The following GAA variants were observed in gnomAD, a reference collection of about 807,000 sequenced individuals.
The protein encoded by GAA is alpha glucosidase.
A neutral mutation model predicts 103.9 loss-of-function variants in GAA; 88 were observed. The ratio of observed to expected loss-of-function variants is 0.85; its 90% CI spans 0.71 to 1.01. The LOEUF is 1.01. Among genes scored for constraint, GAA ranks in the 50% least tolerant of loss-of-function variants. The pLI is 0.00. For synonymous variants in GAA, 572 were observed against 563.1 expected (o/e 1.02, Z -0.22); for missense variants, 1,350 against 1,305.3 (o/e 1.03, Z -0.53).
chr17:80,106,257 T>A (rs1335445673), intron 3 of GAA, among the ~76,000 whole-genome samples: 1 of 152,156 alleles, frequency 6.6e-6, no homozygotes, highest in Admixed American at 6.5e-5. Context: ...GCACTGACCC[T>A]CCGTGCCGGG....
chr17:80,112,839 C>G (rs1291254931), intron 13 of GAA, 37 bp from the exon 14 acceptor site: 2 of 1,596,218 alleles, frequency 1.3e-6, no homozygotes, highest in Non-Finnish European at 1.7e-6. Context: ...GGCTCTGCTG[C>G]AGCAGCCTGA....
rs746986703 is a variant in GAA at position 80,107,736 on chromosome 17, C to T, written c.858+14C>T. The stretch of plus-strand genomic sequence containing the variant: ...CTTGCGCCCACGGTACAGCGGCGGG[C>T]GGCGGGCGGGGGCACTGAGCTGGGG... On this transcript the variant is annotated intron_variant, in intron 4 of 19. Transcript: ENST00000302262. 23 of 1,610,556 alleles carry T rather than the reference C, an allele frequency of 1.4e-5. No individual in the cohort carries two copies. The Admixed American group carries it at 1.7e-4, about 12-fold the overall frequency.
At chr17:80,106,485 GGTGGCCTCTCTGGA>G in intron 3 of GAA, among the ~76,000 whole-genome samples, 1 of 151,526 alleles carries the variant, frequency 6.6e-6, no homozygotes, top group Non-Finnish European at 1.5e-5. Flanking sequence ...TGGGGGCAGG[GGTGGCCTCTCTGGA>G]AGCCAGCTGT....
In GAA at chr17:80,104,807, G is replaced by T; in HGVS notation, c.221G>T (p.Arg74Leu). 6.2e-7 allele frequency: 1 copy of T among 1,612,054 alleles called. No homozygotes were observed. Among genetic ancestry groups the T allele is most frequent in the South Asian group, 1.1e-5 (1 of 90,964 alleles). The change falls in exon 2 of 20, where the codon CGT (arginine) becomes CTT (leucine). Residue 74 changes from arginine (R) to leucine (L), a missense_variant. Coordinates refer to ENST00000302262, the MANE Select transcript of GAA (RefSeq NM_000152.5). This position sits in a 1 kb window ranked among gnomAD's most constrained non-coding sequence, Gnocchi z 4.0. ...CGGGATGCCCAGGCACACCCCGGCC[G>T]TCCCAGAGCAGTGCCCACACAGTGC... ...GPRDAQAHPGRPRAVPTQCDV... is the reference protein window; with the variant it reads ...GPRDAQAHPGLPRAVPTQCDV...
At position 80,113,227 on chromosome 17, in the gene GAA, C is replaced by T. The variant is rs776486462; in HGVS notation, c.2050C>T (p.Pro684Ser). The change falls in exon 15 of 20, where the codon CCG becomes TCG. Residue 684 changes from proline to serine, a missense_variant. Transcript: ENST00000302262. The part of the protein sequence containing the change: ...HNSLLSLPQE[P>S]YSFSEPAQQA... The stretch of plus-strand genomic sequence containing the variant: ...CCCGCCTGCCCTGCAGCCCCAGGAG[C>T]CGTACAGCTTCAGCGAGCCGGCCCA... 5.0e-6 allele frequency: 8 copies of T among 1,600,480 alleles called. No homozygotes were observed. Among genetic ancestry groups the T allele is most frequent in the Admixed American group, 1.7e-5 (1 of 58,478 alleles).
At chr17:80,114,596 C>CTG (rs747014179) in intron 15 of GAA, among the ~76,000 whole-genome samples, 1 of 152,038 alleles carries the variant, frequency 6.6e-6, no homozygotes, top group Non-Finnish European at 1.5e-5. Flanking sequence ...ATGATGAGCC[C>CTG]ATCCACGCAG....
At chr17:80,117,860 C>A (rs1404325381) in intron 17 of GAA, 111 bp downstream of exon 17, 2 of 1,140,672 alleles carry the variant, frequency 1.8e-6, no homozygotes, top group African/African-American at 1.6e-5. Flanking sequence ...GAGGGGCCGC[C>A]CCCCGCAGTG....
At chr17:80,110,581 C>T (rs2039208204) in intron 9 of GAA, 146 bp from the exon 10 acceptor site, 1 of 670,472 alleles carries the variant, frequency 1.5e-6, no homozygotes, top group African/African-American at 1.8e-5. Flanking sequence ...GCTCATTGAC[C>T]TCCAGGGTGC....
In GAA at chr17:80,118,710, CAGA is replaced by C. The variant is rs121907939; in HGVS notation, c.2707_2709del (p.Lys903del). On this transcript the variant is annotated inframe_deletion, in exon 19 of 20. Transcript: ENST00000302262. ...CAGTGAGGGAGCTGGCCTGCAGCTGCAGAAGGTGACTGTCCTGGGCGTGGCCAC... is the reference window on the plus strand; with the variant it reads ...CAGTGAGGGAGCTGGCCTGCAGCTGCAGGTGACTGTCCTGGGCGTGGCCAC... The C allele has an allele frequency of 6.2e-7, 1 of 1,613,304 alleles. No individual in the cohort carries two copies. Among genetic ancestry groups the C allele is most frequent in the African/African-American group, 1.3e-5 (1 of 75,046 alleles).
At position 80,112,913 on chromosome 17, in the gene GAA, C is replaced by T. The variant is rs1346499760; in HGVS notation, c.1926C>T (p.Val642=). Residue 642 remains valine (V), a synonymous_variant, in exon 14 of 20, where the codon GTC becomes GTT. Coordinates refer to ENST00000302262, the MANE Select transcript of GAA (RefSeq NM_000152.5). ...TTAACCTGCTGGGGGTGCCTCTGGTCGGGGCCGACGTCTGCGGCTTCCTGG... is the reference window on the plus strand; with the variant it reads ...TTAACCTGCTGGGGGTGCCTCTGGTTGGGGCCGACGTCTGCGGCTTCCTGG... The part of the protein sequence containing the change: ...LQFNLLGVPL[V]GADVCGFLGN... The T allele has an allele frequency of 9.3e-6, 15 of 1,610,282 alleles. 1 individual carries two copies. Among genetic ancestry groups the T allele is most frequent in the Middle Eastern group, 1.6e-4 (1 of 6,066 alleles).
intron 8 of GAA, among the ~76,000 whole-genome samples, chr17:80,109,303 T>TCAGCTCCCATAGA (rs1351377538): frequency 2.0e-5 from 3 of 152,158 alleles, no homozygotes; most frequent in Non-Finnish European, 4.4e-5. Flanking sequence ...CTTCTTCCCA[T>TCAGCTCCCATAGA]CAGCTCCCAT....
At position 80,107,863 on chromosome 17, in the gene GAA, C is replaced by G; in HGVS notation, c.922C>G (p.His308Asp). Residue 308 changes from histidine (H) to aspartate (D), a missense_variant, in exon 5 of 20, where the codon CAC becomes GAC. Physicochemically the swap from His to Asp is moderately conservative, Grantham distance 81. Coordinates refer to ENST00000302262, the MANE Select transcript of GAA (RefSeq NM_000152.5). ...YLALEDGGSA[H>D]GVFLLNSNAM... ...GGCGCTGGAGGACGGCGGGTCGGCACACGGGGTGTTCCTGCTAAACAGCAA... is the reference window on the plus strand; with the variant it reads ...GGCGCTGGAGGACGGCGGGTCGGCAGACGGGGTGTTCCTGCTAAACAGCAA... 1.2e-6 allele frequency: 2 copies of G among 1,611,710 alleles called. No homozygotes were observed. The highest frequency in any genetic ancestry group is 1.8e-4 in the Middle Eastern group (1 of 5,668).
chr17:80,109,395 C>T (rs2039175534), intron 8 of GAA, among the ~76,000 whole-genome samples: 1 of 152,206 alleles, frequency 6.6e-6, no homozygotes, highest in Non-Finnish European at 1.5e-5. Flanking sequence ...CAGAAGGATG[C>T]AGTTTGGGGG....
At chr17:80,109,873 G>A in intron 8 of GAA, 72 bp from the exon 9 acceptor site, 9 of 1,084,142 alleles carry the variant, frequency 8.3e-6, no homozygotes, top group African/African-American at 1.6e-5. Flanking sequence ...TCCTCTCACT[G>A]TCTCAGTTTT....
In GAA at chr17:80,105,749, A is replaced by G. The variant is rs2039067728; in HGVS notation, c.547A>G (p.Ile183Val). The G allele has an allele frequency of 1.2e-6, 2 of 1,612,248 alleles. No individual in the cohort carries two copies. The highest frequency in any genetic ancestry group is 1.7e-6 in the Non-Finnish European group (2 of 1,179,928). ...ATCAATAAACCCCCATCTCTTCTAG[A>G]TCAAAGATCCAGCTAACAGGCGCTA... ...METENRLHFT[I>V]KDPANRRYEV... is the part of the protein sequence containing the mutation. Residue 183 changes from isoleucine to valine, a missense_variant and splice_region_variant, in exon 3 of 20, where the codon ATC (isoleucine) becomes GTC (valine). Coordinates refer to ENST00000302262, the MANE Select transcript of GAA (RefSeq NM_000152.5).
chr17:80,118,362 G>T lies in GAA; in HGVS notation c.2646+5G>T. 1 of 1,561,758 alleles carries T rather than the reference G, an allele frequency of 6.4e-7. No individual in the cohort carries two copies. Among genetic ancestry groups the T allele is most frequent in the Admixed American group, 1.8e-5 (1 of 55,232 alleles). ...GTCATCTTCCTGGCCAGGAATGTGA[G>T]TCCTGGGGCTGCTCAGGCTGGTGGG... On this transcript the variant is annotated splice_donor_5th_base_variant and intron_variant, in intron 18 of 19. Transcript: ENST00000302262.
chr17:80,119,229 G>C, intron 19 of GAA, 43 bp from the exon 20 acceptor site: 1 of 1,597,162 alleles, frequency 6.3e-7, no homozygotes, highest in Non-Finnish European at 8.6e-7. Context: ...TCTCACTGCT[G>C]CTGGGATCTC....
chr17:80,116,885 TC>T (rs2039362101), intron 15 of GAA, 82 bp from the exon 16 acceptor site: 2 of 1,519,246 alleles, frequency 1.3e-6, no homozygotes, highest in Non-Finnish European at 1.8e-6. Context: ...TTCAGCCTCT[TC>T]CTGTGCCTCC....
chr17:80,102,129 C>G (rs1402457946), intron 1 of GAA: 1 of 152,442 alleles, frequency 6.6e-6, no homozygotes, highest in Non-Finnish European at 1.5e-5. Context: ...CCCTTTTGAT[C>G]GACGCAGTGC....
Sources: gnomAD v4.1 joint callset for allele counts (sites outside exome capture counted in the v4.1 genomes callset) on GRCh38, gnomAD v4.1.1 for gene constraint, Gnocchi (gnomAD v3.1) non-coding constraint, MANE v1.5 for transcripts, NCBI Gene and HGNC (gene_info 2026-07-23, HGNC 2026-07-21) for gene names.